RBMS3: variants seen among roughly 807,000 people sequenced by gnomAD.
The protein encoded by RBMS3 is RNA binding motif single stranded interacting protein 3.
A neutral mutation model predicts 66.8 loss-of-function variants in RBMS3; 27 were observed. The ratio of observed to expected loss-of-function variants is 0.40; its 90% CI spans 0.30 to 0.56. The LOEUF is 0.56. Ranked by LOEUF, RBMS3 falls within the 20% of genes least tolerant of loss-of-function variation. The pLI is 0.40. For synonymous variants in RBMS3, 188 were observed against 183.0 expected (o/e 1.03, Z -0.22); for missense variants, 513 against 549.5 (o/e 0.93, Z 0.66).
chr3:29,928,334 TA>T (rs2061007236), intron 10 of RBMS3, among the ~76,000 whole-genome samples: 1 of 128,346 alleles, frequency 7.8e-6, no homozygotes. Flanking sequence ...TATTATGAAA[TA>T]TATTTGGTGG....
intron 1 of RBMS3, among the ~76,000 whole-genome samples, chr3:29,421,089 G>T (rs1035637795): frequency 2.6e-5 from 4 of 151,696 alleles, no homozygotes; most frequent in African/African-American, 9.7e-5. Flanking sequence ...CTCCAGCCTG[G>T]GCAACAGAGC....
rs1358650505 is a variant in RBMS3 at position 29,378,485 on chromosome 3, A to G, written c.76-56258A>G. ...AGACTCCGTCTCAAAAAAATAAAAC[A>G]TTAAAAAAAAAAACAAAAAACAACT... On this transcript the variant is annotated intron_variant, in intron 1 of 14. Transcript: ENST00000383767. 8.9e-5 allele frequency among the ~76,000 whole-genome samples: 3 copies of G among 33,612 alleles called. No homozygotes were observed. In the South Asian group the frequency reaches 0.014, roughly 160 times the overall value. 22.1% of individuals were successfully genotyped at this position (33,612 alleles called of 152,430 possible).
At chr3:29,797,259 C>T (rs2057233547) in intron 6 of RBMS3, among the ~76,000 whole-genome samples, 1 of 152,220 alleles carries the variant, frequency 6.6e-6, no homozygotes, top group South Asian at 2.1e-4. Context: ...CTTGTTTCTT[C>T]ACTTTGCAGT....
intron 10 of RBMS3, chr3:29,927,276 T>G (rs1406963120): frequency 6.6e-6 from 1 of 152,230 alleles, no homozygotes; most frequent in Non-Finnish European, 1.5e-5. Context: ...TTGTCCAGTT[T>G]GAGCAAGGAG....
chr3:29,957,054 A>G (rs1559836591), intron 12 of RBMS3, among the ~76,000 whole-genome samples: 1 of 152,094 alleles, frequency 6.6e-6, no homozygotes, highest in East Asian at 1.9e-4. Context: ...TCAACCTGCT[A>G]ATGCTGGCTT....
intron 4 of RBMS3, among the ~76,000 whole-genome samples, chr3:29,591,331 A>G (rs1267443803): frequency 6.6e-6 from 1 of 152,202 alleles, no homozygotes; most frequent in African/African-American, 2.4e-5. Flanking sequence ...TCATACCTTT[A>G]AAAGAGAAGT....
chr3:29,565,670 G>T (rs1052146122), intron 3 of RBMS3, among the ~76,000 whole-genome samples: 3 of 152,022 alleles, frequency 2.0e-5, no homozygotes, highest in Non-Finnish European at 2.9e-5. Context: ...TAAATCTCTA[G>T]TTCCTCAAAA....
At chr3:29,531,361 G>T (rs75321971) in intron 3 of RBMS3, among the ~76,000 whole-genome samples, 2,136 of 152,266 alleles carry the variant, frequency 0.014, 51 homozygotes, top group African/African-American at 0.049. Context: ...TGTAAGTCAG[G>T]CTTCAACCAT....
intron 3 of RBMS3, among the ~76,000 whole-genome samples, chr3:29,549,809 T>C (rs1416387047): frequency 1.3e-5 from 2 of 152,172 alleles, no homozygotes; most frequent in Non-Finnish European, 2.9e-5. Context: ...ATCTAATATA[T>C]GGTTCTTGGA....
At chr3:29,979,081 A>G (rs1341545078) in intron 12 of RBMS3, among the ~76,000 whole-genome samples, 9 of 152,180 alleles carry the variant, frequency 5.9e-5, no homozygotes, top group South Asian at 2.1e-4. Flanking sequence ...ACAGTGAGCT[A>G]TGATTGTACC....
At chr3:29,673,882 A>T (rs2051117187) in intron 4 of RBMS3, among the ~76,000 whole-genome samples, 1 of 152,224 alleles carries the variant, frequency 6.6e-6, no homozygotes, top group South Asian at 2.1e-4. Context: ...AAAAGGAGGG[A>T]ATCCTCCCTA....
chr3:29,801,711 T>A (rs2057397698), intron 6 of RBMS3, among the ~76,000 whole-genome samples: 1 of 152,206 alleles, frequency 6.6e-6, no homozygotes, highest in South Asian at 2.1e-4. Flanking sequence ...TGTATTTTTT[T>A]TATGACACAC....
intron 6 of RBMS3, among the ~76,000 whole-genome samples, chr3:29,860,840 A>T (rs2059194238): frequency 6.6e-6 from 1 of 152,160 alleles, no homozygotes; most frequent in Admixed American, 6.5e-5. Flanking sequence ...ATATCACACG[A>T]ATAGTTTAGG....
At chr3:29,428,620 T>G (rs1441078870) in intron 1 of RBMS3, among the ~76,000 whole-genome samples, 1 of 151,468 alleles carries the variant, frequency 6.6e-6, no homozygotes, top group Non-Finnish European at 1.5e-5. Flanking sequence ...TCTCCAAACC[T>G]ACATACCCAA....
At chr3:29,815,130 G>A (rs147936505) in intron 6 of RBMS3, among the ~76,000 whole-genome samples, 1 of 152,224 alleles carries the variant, frequency 6.6e-6, no homozygotes, top group East Asian at 1.9e-4. Context: ...AAGGGACCTG[G>A]TGTCTCATCT....
At chr3:29,558,361 T>A (rs35880) in intron 3 of RBMS3, among the ~76,000 whole-genome samples, 54,265 of 151,942 alleles carry the variant, frequency 0.36, 10,248 homozygotes, top group Middle Eastern at 0.51. Flanking sequence ...GAACTAGCAA[T>A]GCAGATTACA....
intron 1 of RBMS3, among the ~76,000 whole-genome samples, chr3:29,298,766 T>G (rs1300702455): frequency 6.6e-6 from 1 of 151,938 alleles, no homozygotes; most frequent in African/African-American, 2.4e-5. Context: ...TTGTGCAATG[T>G]TCAATTTTAA....
chr3:29,554,071 A>G (rs917875645), intron 3 of RBMS3, among the ~76,000 whole-genome samples: 1 of 152,204 alleles, frequency 6.6e-6, no homozygotes, highest in African/African-American at 2.4e-5. Context: ...TCATTATTCC[A>G]TATTAAGATA....
chr3:29,405,679 A>G (rs528712712), intron 1 of RBMS3, among the ~76,000 whole-genome samples: 3 of 152,234 alleles, frequency 2.0e-5, no homozygotes, highest in Non-Finnish European at 2.9e-5. Context: ...TGTAAATTTT[A>G]TGGCTATTGT....
Sources: gnomAD v4.1 joint callset for allele counts (sites outside exome capture counted in the v4.1 genomes callset) on GRCh38, gnomAD v4.1.1 for gene constraint, MANE v1.5 for transcripts, NCBI Gene and HGNC (gene_info 2026-07-23, HGNC 2026-07-21) for gene names.